The following RAD51B variants were observed in gnomAD, a reference collection of about 807,000 sequenced individuals.
RAD51B encodes the protein RAD51 paralog B.
A neutral mutation model predicts 42.2 loss-of-function variants in RAD51B; 38 were observed. The ratio of observed to expected loss-of-function variants is 0.90; its 90% confidence interval spans 0.70 to 1.18. The LOEUF (loss-of-function observed/expected upper bound fraction) is 1.18. Ranked by LOEUF, RAD51B falls within the 50% of genes most tolerant of loss-of-function variation. The pLI is 0.00. For missense variants in RAD51B, 373 were observed against 400.7 expected (o/e 0.93, Z 0.59); for synonymous variants, 154 against 145.2 (o/e 1.06, Z -0.43).
rs754840073 is a variant in RAD51B, at chr14:68,039,426, C to CAA, written c.756+152242_756+152243dup. On this transcript the variant is annotated intron_variant, in intron 7 of 10. Coordinates refer to ENST00000471583, the MANE Select transcript of RAD51B (RefSeq NM_133510.4). Reference sequence around the variant, plus strand: ...CTGGTGACAGAGCGAGACTTCATTCCAAAAAAAAAAAAAAAAAAAAAGTGT... The same window carrying CAA: ...CTGGTGACAGAGCGAGACTTCATTCCAAAAAAAAAAAAAAAAAAAAAAAGTGT... Among the ~76,000 whole-genome samples, 102 of 63,608 alleles carry CAA rather than the reference C, an allele frequency of 1.6e-3. 1 individual carries two copies. The highest frequency in any genetic ancestry group is 3.3e-3 in the African/African-American group (70 of 21,354). 41.7% of individuals were successfully genotyped at this position (63,608 alleles called of 152,430 possible). A position where few individuals can be genotyped will look rare whatever the true frequency, so the allele number is the denominator to read the frequency against.
At chr14:68,498,480 A>G (rs1368984262) in intron 10 of RAD51B, among the ~76,000 whole-genome samples, 1 of 151,932 alleles carries the variant, frequency 6.6e-6, no homozygotes, top group Non-Finnish European at 1.5e-5. Context: ...TGACTTTCCT[A>G]CCCCTAGCCA....
intron 7 of RAD51B, among the ~76,000 whole-genome samples, chr14:68,098,517 T>TG (rs1365005207): frequency 6.6e-6 from 1 of 152,188 alleles, no homozygotes; most frequent in Non-Finnish European, 1.5e-5. Context: ...CTAAGAACCA[T>TG]GGTGGGAGAT....
chr14:68,250,022 G>A (rs2080587750), intron 7 of RAD51B, among the ~76,000 whole-genome samples: 2 of 152,206 alleles, frequency 1.3e-5, no homozygotes, highest in Admixed American at 6.5e-5. Flanking sequence ...AAATTTCCAG[G>A]GGAGAGGGCC....
chr14:68,383,231 C>A (rs577931798), intron 8 of RAD51B, among the ~76,000 whole-genome samples: 16 of 152,322 alleles, frequency 1.1e-4, no homozygotes, highest in Admixed American at 8.5e-4. Flanking sequence ...AAGACTCTAA[C>A]ATCCCTCACT....
chr14:68,597,635 C>T (rs994300048), downstream of RAD51B, among the ~76,000 whole-genome samples: 1 of 152,030 alleles, frequency 6.6e-6, no homozygotes, highest in African/African-American at 2.4e-5. Context: ...ACACTAGGGT[C>T]TACTCATGGG....
chr14:68,481,881 TAGTA>T (rs373970610), downstream of RAD51B, among the ~76,000 whole-genome samples: 655 of 152,362 alleles, frequency 4.3e-3, 5 homozygotes, highest in African/African-American at 0.015. Context: ...GGAACAATGC[TAGTA>T]GTTTGATCTT....
intron 10 of RAD51B, among the ~76,000 whole-genome samples, chr14:68,524,324 G>A (rs10137367): frequency 0.22 from 33,224 of 152,116 alleles, 4,073 homozygotes; most frequent in Middle Eastern, 0.36. Flanking sequence ...AACCATTTCA[G>A]GCTGGACAGA....
At chr14:68,619,210 C>T (rs976372427) in intron 10 of RAD51B, among the ~76,000 whole-genome samples, 1 of 152,154 alleles carries the variant, frequency 6.6e-6, no homozygotes, top group East Asian at 1.9e-4. Flanking sequence ...CGTGGTGGCT[C>T]ACGCCTGTAA....
chr14:68,326,038 C>CTTT (rs763428544), intron 8 of RAD51B, among the ~76,000 whole-genome samples: 2 of 80,466 alleles, frequency 2.5e-5, no homozygotes, highest in African/African-American at 3.7e-5. Flanking sequence ...TTTTTCTTTT[C>CTTT]TTTTTTTTTT....
At chr14:68,364,413 C>A (rs116617358) in intron 8 of RAD51B, among the ~76,000 whole-genome samples, 1 of 152,146 alleles carries the variant, frequency 6.6e-6, no homozygotes, top group African/African-American at 2.4e-5. Context: ...AGCCTAATCC[C>A]GTTACAGGCT....
chr14:67,886,275 A>T (rs2043058705), intron 6 of RAD51B, among the ~76,000 whole-genome samples: 1 of 152,216 alleles, frequency 6.6e-6, no homozygotes, highest in African/African-American at 2.4e-5. Flanking sequence ...CAGCAAATAC[A>T]TATTATTTCA....
intron 7 of RAD51B, among the ~76,000 whole-genome samples, chr14:68,109,004 A>C (rs537187895): frequency 6.6e-6 from 1 of 152,120 alleles, no homozygotes; most frequent in East Asian, 1.9e-4. Context: ...ATATACAGGC[A>C]AAAACTGATA....
At chr14:68,131,566 T>A (rs966279712) in intron 7 of RAD51B, among the ~76,000 whole-genome samples, 2 of 152,094 alleles carry the variant, frequency 1.3e-5, no homozygotes, top group Non-Finnish European at 2.9e-5. Context: ...CGTGGTGTCA[T>A]GCGTCTATAA....
intron 10 of RAD51B, among the ~76,000 whole-genome samples, chr14:68,496,131 C>T (rs759903445): frequency 1.2e-4 from 18 of 152,212 alleles, no homozygotes; most frequent in Non-Finnish European, 1.9e-4. Context: ...GTCCATCCCT[C>T]TTTGGAATTA....
chr14:68,570,483 G>A lies in RAD51B; in HGVS notation c.1037-24002G>A, dbSNP rs553199983. ...AGGACCTTAAAAATACCAGGGGAGG[G>A]TACTGTGAGAAACAGATTCCCATCA... On this transcript the variant is annotated intron_variant, in intron 10 of 10. Transcript: ENST00000487270. Among the ~76,000 whole-genome samples, 76 of 152,314 alleles carry A rather than the reference G, an allele frequency of 5.0e-4. No individual in the cohort carries two copies. The South Asian group carries it at 8.7e-3, about 17-fold the overall frequency.
intron 8 of RAD51B, among the ~76,000 whole-genome samples, chr14:68,341,391 T>A (rs2082569174): frequency 6.6e-6 from 1 of 152,240 alleles, no homozygotes; most frequent in Non-Finnish European, 1.5e-5. Context: ...CATAAAGTTT[T>A]GTGGAAGTCT....
At chr14:67,940,782 GA>G (rs146542484) in intron 7 of RAD51B, among the ~76,000 whole-genome samples, 173 of 148,368 alleles carry the variant, frequency 1.2e-3, no homozygotes, top group Non-Finnish European at 1.4e-3. Flanking sequence ...GTATCAGTAG[GA>G]AAAAAAAAAC....
chr14:67,900,360 T>A (rs1465897924), intron 7 of RAD51B, among the ~76,000 whole-genome samples: 1 of 152,118 alleles, frequency 6.6e-6, no homozygotes, highest in African/African-American at 2.4e-5. Context: ...TTCAAAATAC[T>A]TGCACTTTAG....
downstream of RAD51B, among the ~76,000 whole-genome samples, chr14:68,480,225 A>T (rs1172547044): frequency 6.6e-6 from 1 of 151,962 alleles, no homozygotes; most frequent in Non-Finnish European, 1.5e-5. Flanking sequence ...GGCATGTGCC[A>T]CCATGCCCGG....
Sources: allele counts gnomAD v4.1 joint callset (sites outside exome capture counted in the v4.1 genomes callset), GRCh38; gene constraint gnomAD v4.1.1; transcripts MANE v1.5; gene names NCBI Gene and HGNC (gene_info 2026-07-23, HGNC 2026-07-21).